Variants in PTGFRN observed in about 807,000 individuals in gnomAD.
PTGFRN encodes the protein prostaglandin F2 receptor negative regulator.
PTGFRN carries 35 observed loss-of-function variants against 83.2 expected under a neutral mutation model. The observed-to-expected ratio is 0.42, with a 90% CI of 0.32 to 0.56. The LOEUF is 0.56. PTGFRN is among the 20% of genes least tolerant of loss of function. The probability of loss-of-function intolerance (pLI) is 0.11; values close to 1 mark genes in which losing one functional copy is unlikely to be tolerated. For synonymous variants in PTGFRN, 519 were observed against 498.6 expected, an observed-to-expected ratio of 1.04 and a Z score of -0.55; for missense variants, 1,051 against 1,179.5, an observed-to-expected ratio of 0.89 and a Z score of 1.60.
At chr1:116,954,389 A>G (rs890924264) in intron 4 of PTGFRN, among the ~76,000 whole-genome samples, 4 of 151,816 alleles carry the variant, frequency 2.6e-5, no homozygotes, top group African/African-American at 9.7e-5. Context: ...TCGTGGTGTC[A>G]TTTTGACGAT....
At chr1:116,950,741 C>T (rs555228031) in intron 4 of PTGFRN, among the ~76,000 whole-genome samples, 3 of 152,048 alleles carry the variant, frequency 2.0e-5, no homozygotes, top group South Asian at 2.1e-4. Flanking sequence ...TGAGAGTAAG[C>T]GGAAGGGACA....
At chr1:116,917,696 C>T (rs931135732) in intron 1 of PTGFRN, among the ~76,000 whole-genome samples, 2 of 152,170 alleles carry the variant, frequency 1.3e-5, no homozygotes, top group Non-Finnish European at 2.9e-5. Context: ...GTGGTGCAAT[C>T]ACGGCTCATT....
intron 7 of PTGFRN, among the ~76,000 whole-genome samples, chr1:116,980,882 C>T (rs887648955): frequency 6.6e-6 from 1 of 152,098 alleles, no homozygotes; most frequent in African/African-American, 2.4e-5. Context: ...CAAAGTCTGT[C>T]CTCATGGAGC....
rs1650860382 is a variant in PTGFRN at position 116,967,067 on chromosome 1, C to G, written c.1796C>G (p.Pro599Arg). Residue 599 changes from proline (P) to arginine (R), a missense_variant, in exon 6 of 9, where the codon CCC (proline) becomes CGC (arginine). Physicochemically the swap from Pro to Arg is moderately radical, Grantham distance 103. Coordinates refer to ENST00000393203, the MANE Select transcript of PTGFRN (RefSeq NM_020440.4). ...AAGCCTGTCGGCGACCTCTCCAGTC[C>G]CAATGAAACGAAGTACATCATCTCT... ...AEKPVGDLSSPNETKYIISLD... is the reference protein window; with the variant it reads ...AEKPVGDLSSRNETKYIISLD... 6.2e-7 allele frequency: 1 copy of G among 1,614,066 alleles called. No homozygotes were observed. Among genetic ancestry groups the G allele is most frequent in the African/African-American group, 1.3e-5 (1 of 74,938 alleles).
chr1:116,929,778 A>T (rs1050253868), intron 1 of PTGFRN, among the ~76,000 whole-genome samples: 9 of 152,310 alleles, frequency 5.9e-5, no homozygotes, highest in Admixed American at 2.0e-4. Context: ...ACTGGTGGCC[A>T]TGTGTCCCCA....
At chr1:116,920,339 A>G (rs1471058963) in intron 1 of PTGFRN, among the ~76,000 whole-genome samples, 3 of 152,272 alleles carry the variant, frequency 2.0e-5, no homozygotes, top group Non-Finnish European at 4.4e-5. Flanking sequence ...TTTCTAGATG[A>G]CAGACTGTTT....
At chr1:116,920,891 T>C (rs997628871) in intron 1 of PTGFRN, among the ~76,000 whole-genome samples, 10 of 152,338 alleles carry the variant, frequency 6.6e-5, no homozygotes, top group Middle Eastern at 3.4e-3. Flanking sequence ...CCCAAAGTGC[T>C]GGGATTACAG....
chr1:116,962,639 C>G (rs1365864664), intron 5 of PTGFRN, among the ~76,000 whole-genome samples: 1 of 152,226 alleles, frequency 6.6e-6, no homozygotes, highest in African/African-American at 2.4e-5. Context: ...TGGTCCTACA[C>G]TTACATGCTT....
intron 6 of PTGFRN, among the ~76,000 whole-genome samples, chr1:116,969,163 C>G (rs1317199576): frequency 6.9e-6 from 1 of 145,196 alleles, no homozygotes; most frequent in Admixed American, 6.9e-5. Context: ...TTTGCTATGT[C>G]TAAGAAATCA....
At chr1:116,969,383 G>A (rs1650930737) in intron 6 of PTGFRN, among the ~76,000 whole-genome samples, 1 of 151,956 alleles carries the variant, frequency 6.6e-6, no homozygotes, top group African/African-American at 2.4e-5. Context: ...ACTTGTTTTG[G>A]CACCCCTGTC....
Position 116,989,000 on chromosome 1 carries a change from T to A in PTGFRN, c.*2033T>A, listed in dbSNP as rs1473251047. The stretch of plus-strand genomic sequence containing the variant: ...AAGTGAGAATTAAAGAGAGAACAGA[T>A]ATTTAAACAGGTGCTGTATTAGTAA... On this transcript the variant is annotated 3_prime_UTR_variant, in exon 9 of 9. Coordinates refer to ENST00000393203, the MANE Select transcript of PTGFRN (RefSeq NM_020440.4). 6.6e-6 allele frequency: 1 copy of A among 152,202 alleles called. No homozygotes were observed. The highest frequency in any genetic ancestry group is 6.5e-5 in the Admixed American group (1 of 15,290). 9.4% of individuals were successfully genotyped at this position (152,202 alleles called of 1,614,324 possible).
At position 116,941,902 on chromosome 1, in the gene PTGFRN, A is replaced by G. The variant is rs1650071531; in HGVS notation, c.237A>G (p.Pro79=). 1 of 1,614,090 alleles carries G rather than the reference A, an allele frequency of 6.2e-7. No individual in the cohort carries two copies. Among genetic ancestry groups the G allele is most frequent in the Admixed American group, 1.7e-5 (1 of 60,008 alleles). ...ELASTWEVGF[P]AQLYQERLQR... Reference sequence around the variant, plus strand: ...CAAGCACCTGGGAGGTGGGGTTCCCAGCCCAGCTGTACCAGGAGCGGCTGC... The same window carrying G: ...CAAGCACCTGGGAGGTGGGGTTCCCGGCCCAGCTGTACCAGGAGCGGCTGC... The change falls in exon 2 of 9, where the codon CCA becomes CCG. Residue 79 remains proline, a synonymous_variant. Coordinates refer to ENST00000393203, the MANE Select transcript of PTGFRN (RefSeq NM_020440.4). The surrounding 1 kb of genome is among the most constrained non-coding windows in gnomAD (Gnocchi z 5.0).
intron 4 of PTGFRN, among the ~76,000 whole-genome samples, chr1:116,959,151 G>C (rs1303434142): frequency 6.6e-6 from 1 of 152,204 alleles, no homozygotes; most frequent in Non-Finnish European, 1.5e-5. Context: ...CAGTTGGGTG[G>C]TGTGTGTCCT....
chr1:116,917,973 T>C (rs1649447479), intron 1 of PTGFRN, among the ~76,000 whole-genome samples: 1 of 152,188 alleles, frequency 6.6e-6, no homozygotes, highest in African/African-American at 2.4e-5. Context: ...CTGGATGTCT[T>C]CTTCTGTGTT....
intron 7 of PTGFRN, among the ~76,000 whole-genome samples, chr1:116,980,286 C>G (rs901334388): frequency 6.6e-6 from 1 of 152,150 alleles, no homozygotes; most frequent in African/African-American, 2.4e-5. Flanking sequence ...CTAGTTCAAC[C>G]ATTGTGGAAG....
intron 2 of PTGFRN, among the ~76,000 whole-genome samples, chr1:116,943,832 TG>T (rs746135754): frequency 3.3e-5 from 5 of 152,066 alleles, no homozygotes; most frequent in African/African-American, 1.2e-4. Flanking sequence ...AATATGGAAT[TG>T]GGGGGAAAAA....
intron 4 of PTGFRN, among the ~76,000 whole-genome samples, chr1:116,960,152 C>T (rs921377377): frequency 1.3e-5 from 2 of 152,270 alleles, no homozygotes; most frequent in South Asian, 4.1e-4. Context: ...GCATAGATGG[C>T]TTATGGGAGC....
chr1:116,978,050 G>A (rs1263817150), intron 7 of PTGFRN, among the ~76,000 whole-genome samples: 7 of 152,184 alleles, frequency 4.6e-5, no homozygotes, highest in African/African-American at 1.7e-4. Context: ...TATCACCACT[G>A]ATCCCACAGA....
At chr1:116,959,257 G>A (rs1264427453) in intron 4 of PTGFRN, among the ~76,000 whole-genome samples, 1 of 152,178 alleles carries the variant, frequency 6.6e-6, no homozygotes, top group East Asian at 1.9e-4. Context: ...ATATGAGCCT[G>A]TAAAATGAGC....
Sources: allele counts gnomAD v4.1 joint callset (sites outside exome capture counted in the v4.1 genomes callset), GRCh38; gene constraint gnomAD v4.1.1; non-coding constraint Gnocchi (gnomAD v3.1); transcripts MANE v1.5; gene names NCBI Gene and HGNC (gene_info 2026-07-23, HGNC 2026-07-21).